Variants in FBLN5 observed in about 807,000 individuals in gnomAD.
FBLN5 encodes fibulin-5.
Under a neutral mutation model 61.6 loss-of-function variants are expected in FBLN5, and 24 were observed. The observed-to-expected ratio is 0.39, with a 90% CI of 0.28 to 0.55. The LOEUF is 0.55. FBLN5 is among the 20% of genes least tolerant of loss of function. FBLN5 has a pLI of 0.65. For synonymous variants in FBLN5, 213 were observed against 219.8 expected (o/e 0.97, Z 0.27); for missense variants, 470 against 594.1 (o/e 0.79, Z 2.17).
chr14:91,874,734 T>C (rs1889090815), intron 10 of FBLN5: 1 of 152,278 alleles, frequency 6.6e-6, no homozygotes, highest in South Asian at 2.1e-4. Flanking sequence ...TGTGGAGTTA[T>C]TGGGGTTATA....
chr14:91,877,807 T>C lies in FBLN5; in HGVS notation c.990-125A>G. On this transcript the variant is annotated intron_variant, in intron 9 of 10. Transcript: ENST00000342058. ...TTTTAGCATCCAAATGCCATAACTG[T>C]AGAATGTCTCTGCTCCTGGCTTGAG... The C allele has an allele frequency of 4.0e-6, 3 of 757,484 alleles. No individual in the cohort carries two copies. In the South Asian group the frequency reaches 4.4e-5, roughly 11 times the overall value. The allele number at this position is 757,484 out of a possible 1,614,324, so 46.9% of individuals were successfully genotyped here. A position where few individuals can be genotyped will look rare whatever the true frequency, so the allele number is the denominator to read the frequency against.
chr14:91,909,244 G>A (rs772433016), intron 4 of FBLN5, among the ~76,000 whole-genome samples: 23 of 152,102 alleles, frequency 1.5e-4, no homozygotes, highest in Non-Finnish European at 1.5e-4. Flanking sequence ...CCAACATCAA[G>A]CTGATGCTAG....
rs140586525 is a variant in FBLN5, at chr14:91,899,035, C to T, written c.380-3963G>A. Among the ~76,000 whole-genome samples the T allele has an allele frequency of 1.9e-4, 29 of 152,140 alleles. No individual in the cohort carries two copies. In the East Asian group the frequency reaches 4.5e-3, roughly 23 times the overall value. ...GCCAGGATGGTCTCTATCTCCTGAC[C>T]TCGTGATCTGCCCGCATCGGCCTCC... On this transcript the variant is annotated intron_variant, in intron 4 of 10. Coordinates refer to ENST00000342058, the MANE Select transcript of FBLN5 (RefSeq NM_006329.4).
chr14:91,908,682 C>A (rs1890783691), intron 4 of FBLN5, among the ~76,000 whole-genome samples: 1 of 152,192 alleles, frequency 6.6e-6, no homozygotes, highest in Non-Finnish European at 1.5e-5. Flanking sequence ...TGTGCCTTGA[C>A]TGTACATTTG....
chr14:91,888,052 A>C (rs555295434), intron 6 of FBLN5, among the ~76,000 whole-genome samples: 2 of 152,296 alleles, frequency 1.3e-5, no homozygotes, highest in African/African-American at 4.8e-5. Flanking sequence ...TAATCCCAGC[A>C]CTTTGGGAGG....
At chr14:91,910,251 G>C (rs906193336) in intron 4 of FBLN5, among the ~76,000 whole-genome samples, 3 of 152,320 alleles carry the variant, frequency 2.0e-5, no homozygotes, top group Non-Finnish European at 2.9e-5. Flanking sequence ...GGGACAGTAT[G>C]CTAAGTGAAA....
At chr14:91,893,727 C>G (rs998588064) in intron 5 of FBLN5, among the ~76,000 whole-genome samples, 4 of 152,202 alleles carry the variant, frequency 2.6e-5, no homozygotes, top group Admixed American at 1.3e-4. Context: ...AAATAACCTT[C>G]CAGTAAAATA....
intron 4 of FBLN5, among the ~76,000 whole-genome samples, chr14:91,901,971 T>C (rs953578723): frequency 1.3e-5 from 2 of 152,244 alleles, no homozygotes; most frequent in African/African-American, 2.4e-5. Flanking sequence ...AGGAGAGTTC[T>C]GAAAGGCCCC....
intron 4 of FBLN5, among the ~76,000 whole-genome samples, chr14:91,918,419 G>A (rs1264583778): frequency 6.6e-6 from 1 of 152,168 alleles, no homozygotes; most frequent in South Asian, 2.1e-4. Flanking sequence ...GGGGCGGAAG[G>A]AGGAGTATCC....
At chr14:91,877,826 G>A (rs934566546) in intron 9 of FBLN5, 144 bp from the exon 10 acceptor site, 29 of 713,866 alleles carry the variant, frequency 4.1e-5, no homozygotes, top group Non-Finnish European at 7.3e-5. Flanking sequence ...TCTGCTCCTG[G>A]CTTGAGTCTA....
intron 4 of FBLN5, among the ~76,000 whole-genome samples, chr14:91,903,483 A>G (rs1232805885): frequency 1.3e-5 from 2 of 152,182 alleles, no homozygotes. Flanking sequence ...TCCCTTTTTT[A>G]ACTGAGTACT....
intron 4 of FBLN5, among the ~76,000 whole-genome samples, chr14:91,925,801 C>T (rs1432656464): frequency 2.6e-5 from 4 of 152,232 alleles, no homozygotes; most frequent in African/African-American, 7.2e-5. Flanking sequence ...ACTGAGCTGC[C>T]GTGGTACCCA....
Position 91,877,681 on chromosome 14 carries a change from G to T in FBLN5, c.991C>A (p.Arg331Ser). Residue 331 changes from arginine to serine, a missense_variant and splice_region_variant, in exon 10 of 11, where the codon CGC (arginine) becomes AGC (serine). Arg to Ser is a moderately radical substitution (Grantham distance 110). Coordinates refer to ENST00000342058, the MANE Select transcript of FBLN5 (RefSeq NM_006329.4). ...EEPYLRISDN[R>S]CMCPAENPGC... ...GGGTTCTCAGCAGGACACATACAGC[G>T]GCTGTGGAAAGGGAAATCACGTGAG... is the stretch of plus-strand genomic sequence containing the variant. 6.2e-7 allele frequency: 1 copy of T among 1,613,430 alleles called. No individual in the cohort carries two copies. The highest frequency in any genetic ancestry group is 1.1e-5 in the South Asian group (1 of 91,050).
chr14:91,872,345 G>A (rs1888978750), intron 10 of FBLN5, among the ~76,000 whole-genome samples: 1 of 152,174 alleles, frequency 6.6e-6, no homozygotes, highest in African/African-American at 2.4e-5. Flanking sequence ...CGCGGTCAGT[G>A]CAAGGGACAG....
intron 4 of FBLN5, among the ~76,000 whole-genome samples, chr14:91,933,281 T>A (rs1045000592): frequency 6.6e-6 from 1 of 152,290 alleles, no homozygotes; most frequent in Admixed American, 6.5e-5. Flanking sequence ...TATTTTAATT[T>A]TTTATTTTTT....
intron 4 of FBLN5, among the ~76,000 whole-genome samples, chr14:91,929,214 A>C (rs1164567653): frequency 6.6e-6 from 1 of 152,068 alleles, no homozygotes; most frequent in African/African-American, 2.4e-5. Context: ...TGAAGGTTTC[A>C]AAACATTTCA....
Position 91,870,329 on chromosome 14 carries a change from C to A in FBLN5, c.1242G>T (p.Arg414=). The part of the protein sequence containing the change: ...LVMTRPIKGP[R]EIQLDLEMIT... ...TCATTTCCAAGTCCAGCTGGATTTC[C>A]CGGGGCCCTTTGATGGGGCGTGTCA... Residue 414 remains arginine (R), a synonymous_variant, in exon 11 of 11, where the codon CGG becomes CGT. Coordinates refer to ENST00000342058, the MANE Select transcript of FBLN5 (RefSeq NM_006329.4). 1 of 1,614,200 alleles carries A rather than the reference C, an allele frequency of 6.2e-7. No homozygotes were observed. The highest frequency in any genetic ancestry group is 8.5e-7 in the Non-Finnish European group (1 of 1,180,030).
chr14:91,899,943 T>TC (rs1253924773), intron 4 of FBLN5, among the ~76,000 whole-genome samples: 2 of 152,042 alleles, frequency 1.3e-5, no homozygotes, highest in African/African-American at 4.8e-5. Context: ...AACAGAACCT[T>TC]CCATTGTGAC....
intron 8 of FBLN5, 66 bp from the exon 9 acceptor site, chr14:91,881,484 G>C: frequency 1.3e-6 from 2 of 1,579,604 alleles, no homozygotes; most frequent in Non-Finnish European, 1.7e-6. Flanking sequence ...GCGTGGGGGT[G>C]GGGTAGGCTG....
Sources: allele counts gnomAD v4.1 joint callset (sites outside exome capture counted in the v4.1 genomes callset), GRCh38; gene constraint gnomAD v4.1.1; transcripts MANE v1.5; gene names NCBI Gene and HGNC (gene_info 2026-07-23, HGNC 2026-07-21).